DTNA: variants seen among roughly 807,000 people sequenced by gnomAD.
The protein encoded by DTNA is dystrophin-related protein 3.
A neutral mutation model predicts 100.7 loss-of-function variants in DTNA; 43 were observed. The observed-to-expected ratio is 0.43, with a 90% CI of 0.33 to 0.55. DTNA has a LOEUF of 0.55. Among genes scored for constraint, DTNA ranks in the 20% least tolerant of loss-of-function variants. The pLI is 0.04. For missense variants in DTNA, 798 were observed against 953.9 expected (o/e 0.84, Z 2.15); for synonymous variants, 349 against 347.9 (o/e 1.00, Z -0.04).
chr18:34,546,009 G>A (rs1218328967), intron 1 of DTNA, among the ~76,000 whole-genome samples: 2 of 152,136 alleles, frequency 1.3e-5, no homozygotes, highest in African/African-American at 4.8e-5. Flanking sequence ...TGGGAGGCTC[G>A]GCTCTGTAGT....
chr18:34,516,286 G>A (rs943471430), intron 1 of DTNA, among the ~76,000 whole-genome samples: 4 of 152,108 alleles, frequency 2.6e-5, no homozygotes, highest in African/African-American at 9.7e-5. Flanking sequence ...TGAATAGGTT[G>A]TGCATCACAG....
chr18:34,605,961 T>G (rs2053005891), intron 1 of DTNA, among the ~76,000 whole-genome samples: 1 of 152,162 alleles, frequency 6.6e-6, no homozygotes, highest in African/African-American at 2.4e-5. Flanking sequence ...ATTTAAATGA[T>G]TTAAATAAAC....
intron 1 of DTNA, among the ~76,000 whole-genome samples, chr18:34,621,358 T>C (rs1387606525): frequency 6.6e-6 from 1 of 151,914 alleles, no homozygotes; most frequent in Non-Finnish European, 1.5e-5. Context: ...TCTTAATAAA[T>C]AGAGCTGGTC....
intron 1 of DTNA, among the ~76,000 whole-genome samples, chr18:34,644,212 T>C (rs1485206973): frequency 6.6e-6 from 1 of 152,042 alleles, no homozygotes; most frequent in Admixed American, 6.6e-5. Flanking sequence ...GAAGTACATA[T>C]AGAGAGAGTG....
intron 1 of DTNA, among the ~76,000 whole-genome samples, chr18:34,746,485 T>C (rs1037575867): frequency 1.3e-5 from 2 of 152,098 alleles, no homozygotes; most frequent in Admixed American, 6.6e-5. Context: ...ATAATATTAT[T>C]GCTAGTGAGA....
At chr18:34,495,910 C>T (rs1289286870) in intron 1 of DTNA, among the ~76,000 whole-genome samples, 1 of 151,628 alleles carries the variant, frequency 6.6e-6, no homozygotes, top group Admixed American at 6.6e-5. Context: ...ATAGAGCTTT[C>T]ACAATATTCA....
intron 1 of DTNA, among the ~76,000 whole-genome samples, chr18:34,715,046 G>A (rs2083725832): frequency 1.4e-5 from 2 of 147,560 alleles, no homozygotes; most frequent in Admixed American, 1.4e-4. Flanking sequence ...ATCACACTCT[G>A]GGGACTGTTG....
chr18:34,697,857 A>G (rs1384659020), intron 1 of DTNA, among the ~76,000 whole-genome samples: 1 of 152,204 alleles, frequency 6.6e-6, no homozygotes, highest in Non-Finnish European at 1.5e-5. Context: ...ATGGGCACAG[A>G]AGAAGCCCAG....
chr18:34,829,226 G>T, intron 10 of DTNA, 174 bp from the exon 11 acceptor site: 1 of 1,546,444 alleles, frequency 6.5e-7, no homozygotes, highest in Non-Finnish European at 8.7e-7. Context: ...GTGAACCACA[G>T]TTGTGTTGTT....
At chr18:34,731,805 G>T (rs913988118) in intron 1 of DTNA, among the ~76,000 whole-genome samples, 3 of 152,188 alleles carry the variant, frequency 2.0e-5, no homozygotes, top group African/African-American at 7.2e-5. Context: ...TTGTATTAAT[G>T]AATAGATAAA....
At chr18:34,771,195 C>T (rs986448183) in intron 3 of DTNA, among the ~76,000 whole-genome samples, 2 of 151,942 alleles carry the variant, frequency 1.3e-5, no homozygotes, top group African/African-American at 4.8e-5. Flanking sequence ...TTGACCAATC[C>T]CTGCTATAAA....
chr18:34,534,779 G>A (rs1369358264), intron 1 of DTNA, among the ~76,000 whole-genome samples: 2 of 152,054 alleles, frequency 1.3e-5, no homozygotes, highest in African/African-American at 4.8e-5. Context: ...TGCTGAGAAT[G>A]ATGGTTTCCA....
chr18:34,690,442 G>A (rs908145195), intron 1 of DTNA, among the ~76,000 whole-genome samples: 1 of 152,166 alleles, frequency 6.6e-6, no homozygotes, highest in African/African-American at 2.4e-5. Flanking sequence ...CCCTGCTTCG[G>A]CTGGCCCTCT....
chr18:34,543,919 G>A (rs1589479), intron 1 of DTNA, among the ~76,000 whole-genome samples: 113,276 of 151,980 alleles, frequency 0.75, 44,098 homozygotes, highest in East Asian at 0.96. Context: ...AGGATAGAAA[G>A]GTGTGAAGGA....
chr18:34,593,052 G>A (rs75023188), intron 1 of DTNA, among the ~76,000 whole-genome samples: 56 of 152,328 alleles, frequency 3.7e-4, no homozygotes, highest in Non-Finnish European at 4.6e-4. Context: ...CTGGCAGTGA[G>A]TAGGGGGAGG....
At chr18:34,523,065 G>C (rs1734253368) in intron 1 of DTNA, among the ~76,000 whole-genome samples, 1 of 152,196 alleles carries the variant, frequency 6.6e-6, no homozygotes, top group African/African-American at 2.4e-5. Context: ...GAAGTAACTT[G>C]TTAGAGACCC....
At chr18:34,514,640 T>C (rs1172089038) in intron 1 of DTNA, among the ~76,000 whole-genome samples, 1 of 152,080 alleles carries the variant, frequency 6.6e-6, no homozygotes, top group Non-Finnish European at 1.5e-5. Flanking sequence ...CAGGAATTTA[T>C]TTCTCACAGT....
chr18:34,558,277 C>G (rs546862187), intron 1 of DTNA: 228 of 154,574 alleles, frequency 1.5e-3, no homozygotes, highest in Admixed American at 2.8e-3. Context: ...CTGGCACTCC[C>G]TAGTGAGATG....
intron 1 of DTNA, among the ~76,000 whole-genome samples, chr18:34,580,229 T>C (rs1480252993): frequency 6.6e-6 from 1 of 152,176 alleles, no homozygotes; most frequent in African/African-American, 2.4e-5. Context: ...TTCTCACTTT[T>C]TCATTATATC....
Sources: allele counts gnomAD v4.1 joint callset (sites outside exome capture counted in the v4.1 genomes callset), GRCh38; gene constraint gnomAD v4.1.1; transcripts MANE v1.5; gene names NCBI Gene and HGNC (gene_info 2026-07-23, HGNC 2026-07-21).